COPB1: variants seen among roughly 807,000 people sequenced by gnomAD.
The protein encoded by COPB1 is coat protein complex I subunit beta 1.
In COPB1, 21 loss-of-function variants were observed where a neutral mutation model predicts 108.7. That is an observed-to-expected ratio of 0.19 (90% CI 0.14 to 0.28). The LOEUF (loss-of-function observed/expected upper bound fraction) is 0.28, where lower values mean the gene tolerates loss of function less well. Among genes scored for constraint, COPB1 ranks in the 10% least tolerant of loss-of-function variants. The pLI is 1.00. For synonymous variants in COPB1, 378 were observed against 386.8 expected (o/e 0.98, Z 0.27); for missense variants, 919 against 1,141.3 (o/e 0.81, Z 2.81).
chr11:14,463,156 G>C (rs1850196364), intron 18 of COPB1, among the ~76,000 whole-genome samples: 1 of 152,156 alleles, frequency 6.6e-6, no homozygotes, highest in African/African-American at 2.4e-5. Context: ...CCACACTTCA[G>C]ATACCCTTGT....
At chr11:14,483,703 A>T (rs1245093657) in intron 7 of COPB1, among the ~76,000 whole-genome samples, 1 of 152,180 alleles carries the variant, frequency 6.6e-6, no homozygotes, top group Non-Finnish European at 1.5e-5. Flanking sequence ...CAAAGAAAGA[A>T]GGAAGGAAAA....
Position 14,464,940 on chromosome 11 carries a change from G to A in COPB1, c.2381C>T (p.Thr794Ile). ...ATTACCAAAAATTATTCCATTTTCT[G>A]TTGATGCTACTTTGACGTTAGCTTT... ...NIKANVKVAS[T>I]ENGIIFGNIV... The change falls in exon 18 of 22, where the codon ACA (threonine) becomes ATA (isoleucine). Residue 794 changes from threonine to isoleucine, a missense_variant. Transcript: ENST00000439561. 17 of 1,613,392 alleles carry A rather than the reference G, an allele frequency of 1.1e-5. No homozygotes were observed. Among genetic ancestry groups the A allele is most frequent in the Non-Finnish European group, 1.4e-5 (17 of 1,179,718 alleles).
intron 13 of COPB1, among the ~76,000 whole-genome samples, 165 bp downstream of exon 13, chr11:14,475,620 C>T (rs1850504617): frequency 6.6e-6 from 1 of 152,178 alleles, no homozygotes; most frequent in Admixed American, 6.5e-5. Context: ...CAATACAATT[C>T]CTAGGGGGAA....
chr11:14,458,486 C>T (rs1370491280), intron 21 of COPB1, 46 bp downstream of exon 21: 4 of 1,545,430 alleles, frequency 2.6e-6, no homozygotes, highest in Non-Finnish European at 3.5e-6. Context: ...AATTCCTCCC[C>T]CCTTTGTCAG....
rs1324458587 is a variant in COPB1 at position 14,499,754 on chromosome 11, G to T, written c.-105C>A. ...TGTGGCCCACTACCAGGCTCCGAGG[G>T]GCAGTGGTTTGGTGCAGCCGCGGAT... On this transcript the variant is annotated 5_prime_UTR_variant, in exon 1 of 22. Transcript: ENST00000439561. 2 of 152,344 alleles carry T rather than the reference G, an allele frequency of 1.3e-5. No individual in the cohort carries two copies. Among genetic ancestry groups the T allele is most frequent in the Non-Finnish European group, 2.9e-5 (2 of 68,182 alleles). 9.4% of individuals were successfully genotyped at this position (152,344 alleles called of 1,614,324 possible). A position where few individuals can be genotyped will look rare whatever the true frequency, so the allele number is the denominator to read the frequency against.
chr11:14,487,914 T>G (rs1278624851), intron 6 of COPB1, among the ~76,000 whole-genome samples: 2 of 152,228 alleles, frequency 1.3e-5, no homozygotes, highest in African/African-American at 4.8e-5. Context: ...ATAGCAAAGT[T>G]GGATCTTCTT....
chr11:14,460,224 C>T lies in COPB1; in HGVS notation c.2630G>A (p.Cys877Tyr). 1 of 1,608,320 alleles carries T rather than the reference C, an allele frequency of 6.2e-7. No homozygotes were observed. Among genetic ancestry groups the T allele is most frequent in the Non-Finnish European group, 8.5e-7 (1 of 1,175,460 alleles). ...AAATTTTACCTTTTCTGGAGTCAGG[C>T]ATTTCATATTGGTTGACTTTAATAT... is the stretch of plus-strand genomic sequence containing the variant. The part of the protein sequence containing the change: ...QHILKSTNMK[C>Y]LTPEKALSGY... Residue 877 changes from cysteine to tyrosine, a missense_variant, in exon 20 of 22, where the codon TGC becomes TAC. By Grantham distance (194) the Cys-to-Tyr change is radical. Around this residue, in one of 5 missense-constraint regions of COPB1, gnomAD observed 705 missense variants for 817.8 expected, o/e 0.86. Transcript: ENST00000439561.
At chr11:14,476,881 T>A (rs1399988392) in intron 12 of COPB1, 38 bp downstream of exon 12, 1 of 1,321,896 alleles carries the variant, frequency 7.6e-7, no homozygotes, top group Non-Finnish European at 1.1e-6. Flanking sequence ...AAAGGAAAAA[T>A]TACCATATAA....
At chr11:14,497,119 G>A (rs1173049262) in intron 2 of COPB1, among the ~76,000 whole-genome samples, 1 of 152,106 alleles carries the variant, frequency 6.6e-6, no homozygotes, top group Non-Finnish European at 1.5e-5. Context: ...TCTCCAGGAC[G>A]CTGGTCTGGC....
rs778329993 is a variant in COPB1, at chr11:14,475,780, A to C, written c.1616+5T>G. On this transcript the variant is annotated splice_donor_5th_base_variant and intron_variant, in intron 13 of 21. Coordinates refer to ENST00000439561, the MANE Select transcript of COPB1 (RefSeq NM_001144061.2). ...AGCTGGCAGGGTATATGTGCCATAA[A>C]TTACCTGTCTTCCTCTTTCTTGGTG... The C allele has an allele frequency of 6.4e-7, 1 of 1,552,664 alleles. No homozygotes were observed. Among genetic ancestry groups the C allele is most frequent in the South Asian group, 1.2e-5 (1 of 80,806 alleles).
intron 19 of COPB1, among the ~76,000 whole-genome samples, chr11:14,460,524 CT>C (rs570808347): frequency 2.9e-4 from 42 of 146,548 alleles, no homozygotes; most frequent in Admixed American, 5.5e-4. Flanking sequence ...TAGAATATTT[CT>C]TTTTTTTTTT....
intron 11 of COPB1, 45 bp from the exon 12 acceptor site, chr11:14,477,060 T>C (rs1291850824): frequency 7.9e-7 from 1 of 1,258,830 alleles, no homozygotes; most frequent in East Asian, 2.3e-5. Flanking sequence ...CAGACAAATC[T>C]TGAAGCAGAG....
Position 14,461,179 on chromosome 11 carries a change from G to A in COPB1, c.2556+7C>T. The A allele has an allele frequency of 1.9e-6, 3 of 1,614,030 alleles. No homozygotes were observed. Among genetic ancestry groups the A allele is most frequent in the Non-Finnish European group, 2.5e-6 (3 of 1,179,994 alleles). ...AAGGAATATGAGAAAATCTCCCAAG[G>A]ACTAACTTTGTTTTCCCATTCAAAT... On this transcript the variant is annotated splice_region_variant and intron_variant, in intron 19 of 21. Coordinates refer to ENST00000439561, the MANE Select transcript of COPB1 (RefSeq NM_001144061.2).
At chr11:14,480,639 T>C in intron 10 of COPB1, 120 bp downstream of exon 10, 1 of 918,710 alleles carries the variant, frequency 1.1e-6, no homozygotes, top group South Asian at 1.9e-5. Context: ...TAAAGATCAC[T>C]TCTCACCATG....
At chr11:14,466,035 C>T (rs1850273979) in intron 17 of COPB1, among the ~76,000 whole-genome samples, 1 of 152,158 alleles carries the variant, frequency 6.6e-6, no homozygotes, top group Non-Finnish European at 1.5e-5. Context: ...GAAATACTGA[C>T]ATTTGCTAGA....
At chr11:14,473,436 C>A (rs1236829038) in intron 14 of COPB1, among the ~76,000 whole-genome samples, 1 of 152,156 alleles carries the variant, frequency 6.6e-6, no homozygotes, top group East Asian at 1.9e-4. Context: ...TTATTTCTCA[C>A]TTTTGATTTA....
intron 14 of COPB1, among the ~76,000 whole-genome samples, chr11:14,473,529 TC>T (rs1474914528): frequency 1.3e-5 from 2 of 151,808 alleles, no homozygotes; most frequent in Non-Finnish European, 2.9e-5. Context: ...TTGTGGTATC[TC>T]AGGGAATAGA....
intron 11 of COPB1, among the ~76,000 whole-genome samples, chr11:14,478,670 T>G (rs1358275966): frequency 2.0e-5 from 3 of 151,636 alleles, no homozygotes; most frequent in Non-Finnish European, 4.4e-5. Context: ...CAGGCTGGTC[T>G]CCAACTCCTG....
intron 5 of COPB1, among the ~76,000 whole-genome samples, chr11:14,490,195 C>G (rs2134124234): frequency 6.6e-6 from 1 of 152,230 alleles, no homozygotes; most frequent in African/African-American, 2.4e-5. Flanking sequence ...CACTGAAGGC[C>G]ACCCTATTTC....
Sources: allele counts gnomAD v4.1 joint callset (sites outside exome capture counted in the v4.1 genomes callset), GRCh38; gene constraint gnomAD v4.1.1; regional missense constraint gnomAD v4.1.1; transcripts MANE v1.5; gene names NCBI Gene and HGNC (gene_info 2026-07-23, HGNC 2026-07-21).